Variants in ARHGEF10 observed in about 807,000 individuals in gnomAD.
ARHGEF10 encodes Rho guanine nucleotide exchange factor 10.
Under a neutral mutation model 147.4 loss-of-function variants are expected in ARHGEF10, and 140 were observed. That is an observed-to-expected ratio of 0.95 (90% CI 0.83 to 1.09). The LOEUF is 1.09. Among genes scored for constraint, ARHGEF10 ranks in the 50% least tolerant of loss-of-function variants. ARHGEF10 has a pLI of 0.00. For synonymous variants in ARHGEF10, 902 were observed against 695.8 expected (o/e 1.30, Z -4.67); for missense variants, 2,222 against 1,752.7 (o/e 1.27, Z -4.78).
chr8:1,902,606 C>CT (rs1413268008), intron 15 of ARHGEF10, among the ~76,000 whole-genome samples: 1 of 152,066 alleles, frequency 6.6e-6, no homozygotes, highest in Non-Finnish European at 1.5e-5. Flanking sequence ...GCATAGCCCC[C>CT]TCCCCCCACA....
At chr8:1,929,687 C>T (rs1016728662) in intron 25 of ARHGEF10, among the ~76,000 whole-genome samples, 4 of 152,216 alleles carry the variant, frequency 2.6e-5, no homozygotes, top group Admixed American at 2.0e-4. Flanking sequence ...CCACTTCTCT[C>T]GGCCTGCCTG....
chr8:1,945,175 C>T (rs1302899042), intron 26 of ARHGEF10, among the ~76,000 whole-genome samples: 1 of 152,200 alleles, frequency 6.6e-6, no homozygotes, highest in African/African-American at 2.4e-5. Flanking sequence ...GGATCCTGTG[C>T]CTCCCCTCGC....
chr8:1,867,108 G>T (rs1230314791), intron 6 of ARHGEF10, among the ~76,000 whole-genome samples: 2 of 150,596 alleles, frequency 1.3e-5, no homozygotes, highest in Non-Finnish European at 2.9e-5. Context: ...GGGGATTCCC[G>T]AATAAATGTT....
At chr8:1,912,718 C>T (rs959260287) in intron 18 of ARHGEF10, among the ~76,000 whole-genome samples, 1 of 152,202 alleles carries the variant, frequency 6.6e-6, no homozygotes, top group African/African-American at 2.4e-5. Context: ...AGCTCCCAAA[C>T]TCCCTGATGC....
At chr8:1,929,121 A>T (rs1812911737) in intron 24 of ARHGEF10, among the ~76,000 whole-genome samples, 165 bp from the exon 25 acceptor site, 1 of 152,206 alleles carries the variant, frequency 6.6e-6, no homozygotes, top group Admixed American at 6.5e-5. Flanking sequence ...AAATAAAGAA[A>T]TCAAGGTGGT....
At chr8:1,866,641 C>T (rs538574726) in intron 6 of ARHGEF10, 39 bp downstream of exon 6, 82 of 1,583,242 alleles carry the variant, frequency 5.2e-5, no homozygotes, top group East Asian at 8.9e-5. Context: ...ATCCTCACCA[C>T]GCTCCACAGA....
rs889833248 is a variant in ARHGEF10 at position 1,957,411 on chromosome 8, G to T, written c.*148G>T. ...GGGAGAAACGTGCAATAGCGTAATG[G>T]TGGTGTCCCTGCCAATTCCTTCCTT... is the stretch of plus-strand genomic sequence containing the variant. On this transcript the variant is annotated 3_prime_UTR_variant, in exon 29 of 29. Transcript: ENST00000349830. 1.8e-6 allele frequency: 2 copies of T among 1,140,324 alleles called. No individual in the cohort carries two copies. The highest frequency in any genetic ancestry group is 3.1e-5 in the African/African-American group (2 of 64,876). The allele number at this position is 1,140,324 out of a possible 1,614,324, so 70.6% of individuals were successfully genotyped here.
At chr8:1,916,546 T>C (rs997622908) in intron 18 of ARHGEF10, among the ~76,000 whole-genome samples, 1 of 152,230 alleles carries the variant, frequency 6.6e-6, no homozygotes, top group Admixed American at 6.5e-5. Flanking sequence ...GTTTCAGCTT[T>C]GCACCTGGGA....
At position 1,824,133 on chromosome 8, in the gene ARHGEF10, A is replaced by ACCGTGGGTCCCCTCGCGGG. The variant is rs1293428115; in HGVS notation, c.-48+22_-48+40dup. On this transcript the variant is annotated intron_variant, in intron 1 of 28. Transcript: ENST00000349830. ...GCCGAGGTGAGTGCGGGCCCCGCGG[A>ACCGTGGGTCCCCTCGCGGG]CCGTGGGTCCCCTCGCGGGCTTCTG... 34 of 152,044 alleles carry ACCGTGGGTCCCCTCGCGGG rather than the reference A, an allele frequency of 2.2e-4. No homozygotes were observed. The East Asian group carries it at 5.5e-3, about 25-fold the overall frequency. 9.4% of individuals were successfully genotyped at this position (152,044 alleles called of 1,614,324 possible).
chr8:1,888,804 ACT>A (rs1809061771), intron 11 of ARHGEF10, among the ~76,000 whole-genome samples: 1 of 67,824 alleles, frequency 1.5e-5, no homozygotes, highest in African/African-American at 8.2e-5. Flanking sequence ...GTGAGGAGAC[ACT>A]GAGTGGGGTG....
intron 15 of ARHGEF10, among the ~76,000 whole-genome samples, chr8:1,902,974 T>C (rs1184560610): frequency 1.3e-5 from 2 of 152,228 alleles, no homozygotes; most frequent in East Asian, 3.9e-4. Flanking sequence ...AAGGAGAATC[T>C]ATCATCATCG....
chr8:1,847,056 C>T (rs1264379485), intron 2 of ARHGEF10, among the ~76,000 whole-genome samples: 2 of 152,202 alleles, frequency 1.3e-5, no homozygotes, highest in Admixed American at 6.5e-5. Flanking sequence ...GCCCATTCCT[C>T]ACCTTTACCA....
rs1209550551 is a variant in ARHGEF10, at chr8:1,957,709, C to G, written c.*446C>G. On this transcript the variant is annotated 3_prime_UTR_variant, in exon 29 of 29. Transcript: ENST00000349830. ...TTAAAAGTTTTACCTGATTCAGATT[C>G]ACGACTTTTATTTATATTCTATATT... 2 of 163,972 alleles carry G rather than the reference C, an allele frequency of 1.2e-5. No individual in the cohort carries two copies. Among genetic ancestry groups the G allele is most frequent in the African/African-American group, 4.8e-5 (2 of 41,628 alleles). The allele number at this position is 163,972 out of a possible 1,614,324, so 10.2% of individuals were successfully genotyped here.
At chr8:1,930,178 C>A (rs1012277367) in intron 25 of ARHGEF10, among the ~76,000 whole-genome samples, 1 of 152,100 alleles carries the variant, frequency 6.6e-6, no homozygotes, top group African/African-American at 2.4e-5. Context: ...TGGATCCCAG[C>A]CAGTCTCGGT....
chr8:1,927,800 A>C (rs1230921354), intron 23 of ARHGEF10, among the ~76,000 whole-genome samples: 1 of 152,128 alleles, frequency 6.6e-6, no homozygotes, highest in African/African-American at 2.4e-5. Flanking sequence ...AATTAGCCGG[A>C]TGTGGTGGCA....
At chr8:1,833,281 TAGAGACAGAAGCAGAGACAGAGGC>T (rs1298015554) in intron 1 of ARHGEF10, among the ~76,000 whole-genome samples, 1 of 111,722 alleles carries the variant, frequency 9.0e-6, no homozygotes, top group African/African-American at 3.2e-5. Flanking sequence ...GAGACAGAGG[TAGAGACAGAAGCAGAGACAGAGGC>T]AGAGACAGAA....
chr8:1,831,971 G>T (rs1236278581), intron 1 of ARHGEF10, among the ~76,000 whole-genome samples: 1 of 152,188 alleles, frequency 6.6e-6, no homozygotes, highest in Non-Finnish European at 1.5e-5. Context: ...GGCAGGAGGG[G>T]AGGGTGGTGC....
chr8:1,929,336 A>G lies in ARHGEF10; in HGVS notation c.2972A>G (p.His991Arg). The change falls in exon 25 of 29, where the codon CAC (histidine) becomes CGC (arginine). Residue 991 changes from histidine to arginine, a missense_variant. Coordinates refer to ENST00000349830, the MANE Select transcript of ARHGEF10 (RefSeq NM_014629.4). ...GGCTCCAAGAAAGTGAGACTTCAGC[A>G]CTTTTTCACTCCTGAGAAGTCCACA... The part of the protein sequence containing the change: ...SQGSKKVRLQ[H>R]FFTPEKSTVM... 1 of 1,614,070 alleles carries G rather than the reference A, an allele frequency of 6.2e-7. No homozygotes were observed.
chr8:1,911,558 C>T (rs1029125764), intron 18 of ARHGEF10, among the ~76,000 whole-genome samples: 2 of 152,214 alleles, frequency 1.3e-5, no homozygotes, highest in Admixed American at 6.5e-5. Context: ...GAGCATGGTG[C>T]TGTCTTGCAT....
Sources: allele counts gnomAD v4.1 joint callset (sites outside exome capture counted in the v4.1 genomes callset), GRCh38; gene constraint gnomAD v4.1.1; transcripts MANE v1.5; gene names NCBI Gene and HGNC (gene_info 2026-07-23, HGNC 2026-07-21).